ZFAND1: variants seen among roughly 807,000 people sequenced by gnomAD.
ZFAND1 encodes the protein AN1-type zinc finger protein 1.
ZFAND1 carries 40 observed loss-of-function variants against 38.5 expected under a neutral mutation model. The observed-to-expected ratio is 1.04, with a 90% CI of 0.81 to 1.35. The LOEUF (loss-of-function observed/expected upper bound fraction) is 1.35. ZFAND1 is among the 40% of genes most tolerant of loss of function. The probability of loss-of-function intolerance (pLI) is 0.00; values close to 1 mark genes in which losing one functional copy is unlikely to be tolerated. For synonymous variants in ZFAND1, 117 were observed against 103.6 expected, an observed-to-expected ratio of 1.13 and a Z score of -0.78; for missense variants, 346 against 316.3, an observed-to-expected ratio of 1.09 and a Z score of -0.71.
chr8:81,719,305 CTGAAA>C (rs1396777691), intron 1 of ZFAND1, among the ~76,000 whole-genome samples: 2 of 71,092 alleles, frequency 2.8e-5, no homozygotes, highest in African/African-American at 1.4e-4. Context: ...CCCATCTCTA[CTGAAA>C]ACACACACAC....
chr8:81,720,970 A>C, intron 1 of ZFAND1: 1 of 526,130 alleles, frequency 1.9e-6, no homozygotes, highest in South Asian at 2.3e-5. Flanking sequence ...AAACGCTCCC[A>C]CCCCGCTCCT....
intron 6 of ZFAND1, among the ~76,000 whole-genome samples, chr8:81,707,652 G>T (rs927996622): frequency 6.6e-6 from 1 of 152,228 alleles, no homozygotes. Flanking sequence ...AAATATGGAT[G>T]GGACTTGCAT....
At position 81,721,236 on chromosome 8, in the gene ZFAND1, G is replaced by T. The variant is rs1224075274; in HGVS notation, c.46C>A (p.Arg16=). 1 of 1,548,792 alleles carries T rather than the reference G, an allele frequency of 6.5e-7. No homozygotes were observed. The highest frequency in any genetic ancestry group is 8.7e-7 in the Non-Finnish European group (1 of 1,147,048). ...GAAGCTCCCGGATCACCTCGCTGCC[G>T]GCAATGCTCCACCTGGCAGTGCTGC... ...IGQHCQVEHC[R]QRDFLPFVCD... The change falls in exon 1 of 8, where the codon CGG becomes AGG. Residue 16 remains arginine (R), a synonymous_variant. Transcript: ENST00000220669.
intron 6 of ZFAND1, among the ~76,000 whole-genome samples, 185 bp from the exon 7 acceptor site, chr8:81,703,309 C>G (rs1807869479): frequency 1.3e-5 from 2 of 152,172 alleles, no homozygotes; most frequent in East Asian, 3.8e-4. Context: ...GACCAAGACC[C>G]TGGCCAGGGT....
intron 6 of ZFAND1, among the ~76,000 whole-genome samples, chr8:81,706,713 A>C (rs1807995409): frequency 6.6e-6 from 1 of 152,080 alleles, no homozygotes; most frequent in South Asian, 2.1e-4. Context: ...ATGAGGAATA[A>C]TTTTTAACTA....
intron 1 of ZFAND1, among the ~76,000 whole-genome samples, chr8:81,720,413 C>T: frequency 6.6e-6 from 1 of 152,160 alleles, no homozygotes; most frequent in East Asian, 1.9e-4. Context: ...AGTTTACACC[C>T]TTATGTGGTC....
intron 6 of ZFAND1, among the ~76,000 whole-genome samples, chr8:81,711,838 A>C (rs1184015211): frequency 6.6e-6 from 1 of 152,180 alleles, no homozygotes; most frequent in Non-Finnish European, 1.5e-5. Context: ...AAGAAGTAAC[A>C]CATTGGAATA....
At chr8:81,706,723 A>G (rs1807995650) in intron 6 of ZFAND1, among the ~76,000 whole-genome samples, 1 of 152,096 alleles carries the variant, frequency 6.6e-6, no homozygotes, top group African/African-American at 2.4e-5. Context: ...ATTTTTAACT[A>G]GAAAATTAAA....
chr8:81,721,152 G>A, intron 1 of ZFAND1, 75 bp downstream of exon 1: 2 of 1,526,720 alleles, frequency 1.3e-6, no homozygotes, highest in South Asian at 1.2e-5. Context: ...TTCACCCGCC[G>A]CCACCATCCG....
chr8:81,711,457 G>A (rs1474853298), intron 6 of ZFAND1, among the ~76,000 whole-genome samples: 1 of 152,046 alleles, frequency 6.6e-6, no homozygotes, highest in East Asian at 1.9e-4. Flanking sequence ...ACCATTCTAT[G>A]TGAAAGGCTG....
intron 6 of ZFAND1, among the ~76,000 whole-genome samples, chr8:81,713,125 T>G (rs915599465): frequency 5.1e-5 from 2 of 38,838 alleles, no homozygotes; most frequent in African/African-American, 2.4e-4. Flanking sequence ...TTGTTTGTTT[T>G]TGTTCGTTTT....
At chr8:81,713,796 G>T in intron 6 of ZFAND1, 122 bp downstream of exon 6, 1 of 965,886 alleles carries the variant, frequency 1.0e-6, no homozygotes, top group Non-Finnish European at 1.6e-6. Flanking sequence ...CATATACCAT[G>T]CAACATTAAG....
intron 6 of ZFAND1, among the ~76,000 whole-genome samples, chr8:81,707,505 G>C (rs1808016641): frequency 6.6e-6 from 1 of 152,144 alleles, no homozygotes; most frequent in Non-Finnish European, 1.5e-5. Context: ...CTATGTTGAA[G>C]TCTGTTATTC....
intron 3 of ZFAND1, among the ~76,000 whole-genome samples, chr8:81,715,387 AAC>A (rs1808276009): frequency 6.6e-6 from 1 of 152,206 alleles, no homozygotes; most frequent in African/African-American, 2.4e-5. Flanking sequence ...CCTGCTTTGT[AAC>A]AGTCTCATAC....
At chr8:81,706,445 TA>T (rs5892769) in intron 6 of ZFAND1, among the ~76,000 whole-genome samples, 1 of 149,290 alleles carries the variant, frequency 6.7e-6, no homozygotes, top group Non-Finnish European at 1.5e-5. Flanking sequence ...ATTTTTATGT[TA>T]AAAAAAGATG....
Position 81,714,050 on chromosome 8 carries a change from T to G in ZFAND1, c.359-11A>C, listed in dbSNP as rs898468543. On this transcript the variant is annotated splice_polypyrimidine_tract_variant and intron_variant, in intron 5 of 7. Coordinates refer to ENST00000220669, the MANE Select transcript of ZFAND1 (RefSeq NM_024699.3). ...CTCCTGTCTTGGAATCTAAGAAGTG[T>G]AAGCATGTAATCACATAAAACTTTC... 1.3e-6 allele frequency: 2 copies of G among 1,591,422 alleles called. No homozygotes were observed. Among genetic ancestry groups the G allele is most frequent in the Non-Finnish European group, 1.7e-6 (2 of 1,172,328 alleles).
chr8:81,705,102 G>A (rs1333893276), intron 6 of ZFAND1, among the ~76,000 whole-genome samples: 2 of 152,154 alleles, frequency 1.3e-5, no homozygotes, highest in East Asian at 1.9e-4. Context: ...ACCACAGGGA[G>A]ATAAGTATAA....
At chr8:81,708,726 G>A in intron 6 of ZFAND1, 2 of 1,108,878 alleles carry the variant, frequency 1.8e-6, no homozygotes, top group South Asian at 2.0e-5. Context: ...GAGAAAAAGG[G>A]TACTCTCATG....
chr8:81,708,248 C>CA (rs746812833), intron 6 of ZFAND1, among the ~76,000 whole-genome samples: 20,465 of 62,730 alleles, frequency 0.33, 2,814 homozygotes, highest in East Asian at 0.69. Context: ...AAAGCTCCAT[C>CA]AAAAAAAAAA....
Sources: allele counts gnomAD v4.1 joint callset (sites outside exome capture counted in the v4.1 genomes callset), GRCh38; gene constraint gnomAD v4.1.1; transcripts MANE v1.5; gene names NCBI Gene and HGNC (gene_info 2026-07-23, HGNC 2026-07-21).